Variants in PCDH15 observed in about 807,000 individuals in gnomAD.
PCDH15 encodes the protein protocadherin-15.
PCDH15 carries 129 observed loss-of-function variants against 178.5 expected under a neutral mutation model. That is an observed-to-expected ratio of 0.72 (90% CI 0.63 to 0.84). The LOEUF is 0.84. Ranked by LOEUF, PCDH15 falls within the 40% of genes least tolerant of loss-of-function variation. The pLI, the probability that PCDH15 is intolerant of heterozygous loss-of-function variation, is 0.00. For synonymous variants in PCDH15, 800 were observed against 732.0 expected, an observed-to-expected ratio of 1.09 and a Z score of -1.50; for missense variants, 2,230 against 2,099.9, an observed-to-expected ratio of 1.06 and a Z score of -1.21.
At chr10:53,864,163 A>G (rs1280583800) in intron 27 of PCDH15, among the ~76,000 whole-genome samples, 1 of 152,142 alleles carries the variant, frequency 6.6e-6, no homozygotes, top group East Asian at 1.9e-4. Flanking sequence ...CAGGGAACCT[A>G]AGGCCAATTT....
intron 25 of PCDH15, among the ~76,000 whole-genome samples, chr10:53,932,392 A>C (rs369346708): frequency 1.3e-5 from 2 of 152,302 alleles, no homozygotes; most frequent in East Asian, 3.9e-4. Context: ...TTCTAGATGT[A>C]GCTGTAATAT....
At chr10:54,653,718 T>C (rs1398247961) in intron 2 of PCDH15, among the ~76,000 whole-genome samples, 1 of 152,316 alleles carries the variant, frequency 6.6e-6, no homozygotes, top group Admixed American at 6.5e-5. Flanking sequence ...GCCAACTCAG[T>C]GTTATTCAAA....
chr10:55,397,053 C>T (rs745820423), intron 2 of PCDH15, among the ~76,000 whole-genome samples: 34 of 152,212 alleles, frequency 2.2e-4, no homozygotes, highest in Non-Finnish European at 3.4e-4. Context: ...TTTCCTATTA[C>T]GAACCAGTTA....
intron 6 of PCDH15, among the ~76,000 whole-genome samples, chr10:54,340,049 T>A (rs1941946669): frequency 6.6e-6 from 1 of 152,186 alleles, no homozygotes; most frequent in Non-Finnish European, 1.5e-5. Context: ...ATAAGGTCTT[T>A]CTTACCATGT....
intron 8 of PCDH15, among the ~76,000 whole-genome samples, chr10:54,282,329 A>AAG (rs1013231032): frequency 3.3e-5 from 5 of 151,724 alleles, no homozygotes; most frequent in East Asian, 1.9e-4. Flanking sequence ...AGGAGAGAAA[A>AAG]AGAGAGAGAG....
intron 2 of PCDH15, among the ~76,000 whole-genome samples, chr10:55,156,117 C>T (rs1838881877): frequency 6.6e-6 from 1 of 152,118 alleles, no homozygotes. Context: ...CAATCCATTG[C>T]ACAAATAATT....
chr10:55,324,625 T>G (rs150259599), intron 2 of PCDH15, among the ~76,000 whole-genome samples: 1 of 152,086 alleles, frequency 6.6e-6, no homozygotes, highest in African/African-American at 2.4e-5. Flanking sequence ...CAAACAATCA[T>G]AGTGGGAGAC....
intron 3 of PCDH15, among the ~76,000 whole-genome samples, chr10:54,396,159 G>A (rs1326433325): frequency 6.6e-6 from 1 of 152,132 alleles, no homozygotes; most frequent in African/African-American, 2.4e-5. Flanking sequence ...ACTGTTATGG[G>A]CCTGGAGATG....
Position 54,047,364 on chromosome 10 carries a change from G to A in PCDH15, c.2220+19393C>T, listed in dbSNP as rs2093676713. 3.4e-5 allele frequency among the ~76,000 whole-genome samples: 5 copies of A among 147,626 alleles called. No homozygotes were observed. The South Asian group carries it at 1.1e-3, about 32-fold the overall frequency. On this transcript the variant is annotated intron_variant, in intron 18 of 37. Transcript: ENST00000644397. ...GTTCTTTGCATTCACACTGCTGTGTGTGGTGGGGGGTGGGGGTGATAATCA... is the reference window on the plus strand; with the variant it reads ...GTTCTTTGCATTCACACTGCTGTGTATGGTGGGGGGTGGGGGTGATAATCA...
intron 26 of PCDH15, among the ~76,000 whole-genome samples, chr10:53,894,661 T>C (rs2081828502): frequency 6.6e-6 from 1 of 152,178 alleles, no homozygotes; most frequent in Non-Finnish European, 1.5e-5. Flanking sequence ...AACTAAGTAA[T>C]CTACGCTATT....
intron 11 of PCDH15, among the ~76,000 whole-genome samples, chr10:54,191,751 CAA>C (rs10564694): frequency 7.2e-4 from 94 of 130,428 alleles, no homozygotes; most frequent in South Asian, 1.9e-3. Context: ...ACAAAAAATG[CAA>C]AAAAAAAAAA....
At chr10:55,354,716 C>G (rs907563757) in intron 2 of PCDH15, among the ~76,000 whole-genome samples, 1 of 151,906 alleles carries the variant, frequency 6.6e-6, no homozygotes, top group Admixed American at 6.6e-5. Flanking sequence ...AACTAGAGAG[C>G]TTTTTGGTTG....
intron 18 of PCDH15, among the ~76,000 whole-genome samples, chr10:54,043,179 C>A (rs2093585820): frequency 6.6e-6 from 1 of 152,052 alleles, no homozygotes; most frequent in Non-Finnish European, 1.5e-5. Flanking sequence ...ATTCATAAAA[C>A]TTACAGAGTT....
chr10:54,831,310 A>G (rs1953224076), intron 3 of PCDH15, among the ~76,000 whole-genome samples: 1 of 152,126 alleles, frequency 6.6e-6, no homozygotes, highest in Non-Finnish European at 1.5e-5. Flanking sequence ...GTGTGACAGA[A>G]AAAACTTATT....
At chr10:54,197,015 T>A (rs1354159529) in intron 10 of PCDH15, among the ~76,000 whole-genome samples, 1 of 152,144 alleles carries the variant, frequency 6.6e-6, no homozygotes, top group African/African-American at 2.4e-5. Context: ...CCCAAATAAT[T>A]CGTAATTCTA....
At chr10:54,597,196 A>G (rs1402430504) in intron 2 of PCDH15, among the ~76,000 whole-genome samples, 1 of 152,104 alleles carries the variant, frequency 6.6e-6, no homozygotes, top group Admixed American at 6.6e-5. Context: ...ACACAATCAA[A>G]CATAAAGCAA....
At chr10:54,268,940 C>A (rs10825292) in intron 8 of PCDH15, among the ~76,000 whole-genome samples, 91,312 of 151,556 alleles carry the variant, frequency 0.6, 29,155 homozygotes, top group Middle Eastern at 0.72. Context: ...CTGACATTTT[C>A]ATCTCCTATC....
intron 3 of PCDH15, among the ~76,000 whole-genome samples, chr10:54,425,917 A>G (rs1956221549): frequency 6.6e-6 from 1 of 152,244 alleles, no homozygotes; most frequent in Admixed American, 6.5e-5. Flanking sequence ...GCATTGGACC[A>G]GAATAGTCAC....
chr10:54,738,003 A>G (rs528999392), intron 1 of PCDH15, among the ~76,000 whole-genome samples: 2 of 152,170 alleles, frequency 1.3e-5, no homozygotes, highest in African/African-American at 4.8e-5. Flanking sequence ...CCAAATGGAT[A>G]ATGGGGGAGG....
Sources: allele counts gnomAD v4.1 joint callset (sites outside exome capture counted in the v4.1 genomes callset), GRCh38; gene constraint gnomAD v4.1.1; transcripts MANE v1.5; gene names NCBI Gene and HGNC (gene_info 2026-07-23, HGNC 2026-07-21).